Variants in ME2 observed in about 807,000 individuals in gnomAD.
ME2 encodes the protein NAD-dependent malic enzyme, mitochondrial.
A neutral mutation model predicts 73.7 loss-of-function variants in ME2; 60 were observed. The ratio of observed to expected loss-of-function variants is 0.81; its 90% confidence interval spans 0.66 to 1.01. ME2 has a LOEUF of 1.01. Among genes scored for constraint, ME2 ranks in the 50% least tolerant of loss-of-function variants. The pLI, the probability that ME2 is intolerant of heterozygous loss-of-function variation, is 0.00. For missense variants in ME2, 594 were observed against 705.5 expected (o/e 0.84, Z 1.79); for synonymous variants, 199 against 236.9 (o/e 0.84, Z 1.47).
At chr18:50,946,347 T>A (rs573937148) in intron 15 of ME2, among the ~76,000 whole-genome samples, 23 of 152,262 alleles carry the variant, frequency 1.5e-4, no homozygotes, top group African/African-American at 5.5e-4. Context: ...GGGTCTAATA[T>A]CTAGACTCAG....
At chr18:50,935,624 T>C (rs183851952) in intron 13 of ME2, 1 of 150,698 alleles carries the variant, frequency 6.6e-6, no homozygotes, top group Non-Finnish European at 1.5e-5. Context: ...TAGTGGCATA[T>C]GCCTGTAGTC....
Position 50,908,085 on chromosome 18 carries a change from A to G in ME2, c.131A>G (p.Glu44Gly), listed in dbSNP as rs760570342. ...TAGGGAATGGCATTTACTTTACAAG[A>G]ACGACAAATGCTTGGTCTTCAAGGA... is the stretch of plus-strand genomic sequence containing the variant. ...TNKGMAFTLQ[E>G]RQMLGLQGLL... is the part of the protein sequence containing the mutation. Residue 44 changes from glutamate (E) to glycine (G), a missense_variant, in exon 3 of 16, where the codon GAA becomes GGA. Coordinates refer to ENST00000321341, the MANE Select transcript of ME2 (RefSeq NM_002396.5). 2.5e-6 allele frequency: 4 copies of G among 1,585,206 alleles called. No homozygotes were observed. The South Asian group carries it at 4.7e-5, about 18-fold the overall frequency.
chr18:50,896,044 AGTT>A (rs1380744195), intron 2 of ME2, 116 bp downstream of exon 2: 1 of 681,786 alleles, frequency 1.5e-6, no homozygotes, highest in African/African-American at 1.8e-5. Context: ...GTTCAGAGAT[AGTT>A]GTTTACATGA....
Position 50,939,627 on chromosome 18 carries a change from T to C in ME2, c.1475T>C (p.Leu492Pro). The C allele has an allele frequency of 6.2e-7, 1 of 1,608,980 alleles. No homozygotes were observed. The highest frequency in any genetic ancestry group is 2.2e-5 in the East Asian group (1 of 44,790). Reference sequence around the variant, plus strand: ...CGGCATATTAGTGACAGTGTTTTCCTAGAAGCTGCAAAGGTAAATGTTTTA... The same window carrying C: ...CGGCATATTAGTGACAGTGTTTTCCCAGAAGCTGCAAAGGTAAATGTTTTA... The part of the protein sequence containing the change: ...NTRHISDSVF[L>P]EAAKALTSQL... Residue 492 changes from leucine to proline, a missense_variant, in exon 14 of 16, where the codon CTA becomes CCA. Transcript: ENST00000321341.
chr18:50,908,135 C>T lies in ME2; in HGVS notation c.181C>T (p.Gln61Ter). The change falls in exon 3 of 16, where the codon CAA becomes TAA. Residue 61 changes from glutamine (Q) to a stop codon, truncating the protein, a stop_gained. Coordinates refer to ENST00000321341, the MANE Select transcript of ME2 (RefSeq NM_002396.5). LOFTEE classifies it high-confidence loss of function. The part of the protein sequence containing the change: ...QGLLPPKIET[Q>*]DIQALRFHRN... ...ACTTCTACCTCCCAAAATAGAGACA[C>T]AAGATATTCAAGCCTTACGATTTCA... is the stretch of plus-strand genomic sequence containing the variant. The T allele has an allele frequency of 6.2e-7, 1 of 1,606,206 alleles. No homozygotes were observed. The highest frequency in any genetic ancestry group is 1.3e-5 in the African/African-American group (1 of 74,660).
rs1918270552 is a variant in ME2 at position 50,953,801 on chromosome 18, TAAG to T, written c.*6620_*6622del. ...TAGTAATATAAAAATGTGTATGAAATAAGAACTTTCTTAAAAGACCTAGTTTAG... is the reference window on the plus strand; with the variant it reads ...TAGTAATATAAAAATGTGTATGAAATAACTTTCTTAAAAGACCTAGTTTAG... On this transcript the variant is annotated 3_prime_UTR_variant, in exon 16 of 16. Coordinates refer to ENST00000321341, the MANE Select transcript of ME2 (RefSeq NM_002396.5). 1 of 152,240 alleles carries T rather than the reference TAAG, an allele frequency of 6.6e-6. No homozygotes were observed. Among genetic ancestry groups the T allele is most frequent in the Non-Finnish European group, 1.5e-5 (1 of 68,042 alleles). The allele number at this position is 152,240 out of a possible 1,614,324, so 9.4% of individuals were successfully genotyped here. A position where few individuals can be genotyped will look rare whatever the true frequency, so the allele number is the denominator to read the frequency against.
chr18:50,921,346 G>A (rs1917423437), intron 10 of ME2, among the ~76,000 whole-genome samples, 159 bp downstream of exon 10: 1 of 152,100 alleles, frequency 6.6e-6, no homozygotes, highest in Admixed American at 6.6e-5. Context: ...TAGTCTTGTT[G>A]TCTTTTACAA....
chr18:50,882,649 T>TA (rs749838528), intron 1 of ME2, among the ~76,000 whole-genome samples: 3 of 152,178 alleles, frequency 2.0e-5, no homozygotes, highest in Non-Finnish European at 4.4e-5. Context: ...AGAATCTTCT[T>TA]AAACACTACT....
chr18:50,931,474 AGAT>A (rs1917687439), intron 12 of ME2, among the ~76,000 whole-genome samples: 2 of 152,200 alleles, frequency 1.3e-5, no homozygotes, highest in Admixed American at 6.5e-5. Context: ...AGTGAAATGG[AGAT>A]GATGATGAAG....
Position 50,904,819 on chromosome 18 carries a change from A to C in ME2, c.109-3244A>C, listed in dbSNP as rs117853558. 4.9e-3 allele frequency among the ~76,000 whole-genome samples: 742 copies of C among 150,922 alleles called. 5 individuals are homozygous for C. In the East Asian group the frequency reaches 0.065, roughly 13 times the overall value. ...AGGTGTAGATCTCTTTTGAGTTTAT[A>C]ATACTTGGAGTTGTTGAGCTTACTG... On this transcript the variant is annotated intron_variant, in intron 2 of 15. Transcript: ENST00000321341.
intron 12 of ME2, among the ~76,000 whole-genome samples, chr18:50,931,647 C>T (rs962176153): frequency 2.0e-5 from 3 of 151,310 alleles, no homozygotes; most frequent in African/African-American, 7.3e-5. Context: ...ATTTATTGGC[C>T]GTCTACATTT....
In ME2 at chr18:50,916,286, T is replaced by C. The variant is rs1343028486; in HGVS notation, c.468+43T>C. The C allele has an allele frequency of 2.1e-6, 3 of 1,419,318 alleles. No individual in the cohort carries two copies. In the Admixed American group the frequency reaches 5.5e-5, roughly 26 times the overall value. The allele number at this position is 1,419,318 out of a possible 1,614,324, so 87.9% of individuals were successfully genotyped here. ...CTCCTTTTCACAATGTTTTCTCTTTTCTTGTAAATTACCTCTAAATCTCCA... is the reference window on the plus strand; with the variant it reads ...CTCCTTTTCACAATGTTTTCTCTTTCCTTGTAAATTACCTCTAAATCTCCA... On this transcript the variant is annotated intron_variant, in intron 5 of 15. Coordinates refer to ENST00000321341, the MANE Select transcript of ME2 (RefSeq NM_002396.5).
At chr18:50,892,526 TTTATGTCTG>T (rs1168292512) in intron 1 of ME2, among the ~76,000 whole-genome samples, 1 of 152,242 alleles carries the variant, frequency 6.6e-6, no homozygotes, top group Non-Finnish European at 1.5e-5. Flanking sequence ...TTAGGACTTC[TTTATGTCTG>T]TTAGTTTCTG....
chr18:50,953,979 C>T lies in ME2; in HGVS notation c.*6795C>T, dbSNP rs1025204723. The T allele has an allele frequency of 6.6e-6, 1 of 152,142 alleles. No homozygotes were observed. Among genetic ancestry groups the T allele is most frequent in the Non-Finnish European group, 1.5e-5 (1 of 68,036 alleles). 9.4% of individuals were successfully genotyped at this position (152,142 alleles called of 1,614,324 possible). On this transcript the variant is annotated 3_prime_UTR_variant, in exon 16 of 16. Coordinates refer to ENST00000321341, the MANE Select transcript of ME2 (RefSeq NM_002396.5). ...CATACCAAGCACTAATTATTGACTT[C>T]AAGGAAGCCACGTATTGCAAGTCAT...
intron 13 of ME2, chr18:50,934,994 G>A (rs965500333): frequency 6.6e-6 from 1 of 152,174 alleles, no homozygotes; most frequent in Admixed American, 6.5e-5. Flanking sequence ...GGACAAGATC[G>A]GCACCATGTC....
intron 11 of ME2, 72 bp downstream of exon 11, chr18:50,924,284 A>T: frequency 1.0e-6 from 1 of 993,690 alleles, no homozygotes; most frequent in Non-Finnish European, 1.5e-6. Flanking sequence ...ACCATGTAGG[A>T]TTACTAAAAA....
At chr18:50,918,238 T>A in intron 7 of ME2, 25 bp downstream of exon 7, 7 of 1,515,012 alleles carry the variant, frequency 4.6e-6, no homozygotes, top group Non-Finnish European at 5.5e-6. Context: ...TTTGAGTATA[T>A]GAAAGCACCT....
intron 13 of ME2, chr18:50,933,437 G>C (rs984389789): frequency 2.6e-5 from 4 of 152,078 alleles, no homozygotes; most frequent in African/African-American, 7.2e-5. Context: ...TGAATATCCT[G>C]GTACTTTTCT....
chr18:50,879,211 G>A lies in ME2; in HGVS notation c.-110G>A, dbSNP rs1474239278. ...GCGGCTCCGGGAGGCTCGCAGAAGG[G>A]GAGGGCCGGGCGGCGCGGGAGCTGA... On this transcript the variant is annotated 5_prime_UTR_variant, in exon 1 of 16. Transcript: ENST00000321341. 2.6e-5 allele frequency: 4 copies of A among 152,594 alleles called. No homozygotes were observed. The highest frequency in any genetic ancestry group is 7.2e-5 in the African/African-American group (3 of 41,448). The allele number at this position is 152,594 out of a possible 1,614,324, so 9.5% of individuals were successfully genotyped here.
Sources: allele counts gnomAD v4.1 joint callset (sites outside exome capture counted in the v4.1 genomes callset), GRCh38; gene constraint gnomAD v4.1.1; transcripts MANE v1.5; gene names NCBI Gene and HGNC (gene_info 2026-07-23, HGNC 2026-07-21).